The following FBF1 variants were observed in gnomAD, a reference collection of about 807,000 sequenced individuals.
FBF1 encodes the protein fas-binding factor 1.
In FBF1, 119 loss-of-function variants were observed where a neutral mutation model predicts 147.2. The ratio of observed to expected loss-of-function variants is 0.81; its 90% CI spans 0.70 to 0.94. The LOEUF is 0.94. Ranked by LOEUF, FBF1 falls within the 40% of genes least tolerant of loss-of-function variation. The pLI, the probability that FBF1 is intolerant of heterozygous loss-of-function variation, is 0.00. For missense variants in FBF1, 1,449 were observed against 1,500.8 expected (o/e 0.97, Z 0.57); for synonymous variants, 601 against 609.0 (o/e 0.99, Z 0.19).
chr17:75,914,549 A>T, intron 25 of FBF1, 198 bp downstream of exon 25: 2 of 817,190 alleles, frequency 2.4e-6, no homozygotes, highest in Non-Finnish European at 3.7e-6. Context: ...GAACATGAGG[A>T]TCAAATAAAA....
intron 13 of FBF1, among the ~76,000 whole-genome samples, chr17:75,924,705 T>C (rs1325464351): frequency 6.6e-6 from 1 of 152,196 alleles, no homozygotes; most frequent in East Asian, 1.9e-4. Flanking sequence ...CTTGAACTCC[T>C]GACCTCAGGT....
Position 75,938,231 on chromosome 17 carries a change from C to A in FBF1, c.-82G>T. The A allele has an allele frequency of 1.3e-6, 2 of 1,588,846 alleles. No individual in the cohort carries two copies. Among genetic ancestry groups the A allele is most frequent in the African/African-American group, 1.3e-5 (1 of 74,490 alleles). On this transcript the variant is annotated splice_region_variant and 5_prime_UTR_variant, in exon 2 of 30. Transcript: ENST00000636174. The stretch of plus-strand genomic sequence containing the variant: ...ATTCTGCCCACATCAGGCTCATACT[C>A]CCTAATGAAGAAAATTAAAGTGGTT...
intron 2 of FBF1, 200 bp from the exon 3 acceptor site, chr17:75,937,793 A>T: frequency 1.5e-6 from 1 of 672,734 alleles, no homozygotes; most frequent in Non-Finnish European, 2.6e-6. Flanking sequence ...CAGCCCTGCT[A>T]ACCAGCGATG....
In FBF1 at chr17:75,925,866, G is replaced by C. The variant is rs143730049; in HGVS notation, c.868+164C>G. Among the ~76,000 whole-genome samples the C allele has an allele frequency of 1.8e-4, 27 of 152,194 alleles. No individual in the cohort carries two copies. The highest frequency in any genetic ancestry group is 3.5e-4 in the Non-Finnish European group (24 of 68,030). On this transcript the variant is annotated intron_variant, in intron 12 of 29. Coordinates refer to ENST00000636174, the MANE Select transcript of FBF1 (RefSeq NM_001319193.2). The surrounding 1 kb of genome is among the most constrained non-coding windows in gnomAD (Gnocchi z 5.0). Reference sequence around the variant, plus strand: ...CAACTGAGCACGAACAGTGGTCACGGTAAGTATTATTTCACGGTAAGTATT... The same window carrying C: ...CAACTGAGCACGAACAGTGGTCACGCTAAGTATTATTTCACGGTAAGTATT...
intron 28 of FBF1, 38 bp from the exon 29 acceptor site, chr17:75,912,345 T>C (rs955782337): frequency 6.7e-7 from 1 of 1,484,736 alleles, no homozygotes; most frequent in Non-Finnish European, 9.1e-7. Flanking sequence ...ACCAAAGTGT[T>C]GGTGGAAATA....
intron 1 of FBF1, among the ~76,000 whole-genome samples, chr17:75,938,823 G>A (rs2065641072): frequency 6.7e-6 from 1 of 150,268 alleles, no homozygotes; most frequent in Non-Finnish European, 1.5e-5. Context: ...CTGAGATCAT[G>A]CTATGCATTC....
intron 13 of FBF1, among the ~76,000 whole-genome samples, chr17:75,924,868 T>A (rs890584122): frequency 7.9e-5 from 12 of 152,150 alleles, no homozygotes; most frequent in Non-Finnish European, 7.3e-5. Flanking sequence ...TATCACTGAT[T>A]TAATTTTTTT....
chr17:75,932,269 T>C (rs1463963261), intron 5 of FBF1, among the ~76,000 whole-genome samples: 1 of 151,904 alleles, frequency 6.6e-6, no homozygotes, highest in Non-Finnish European at 1.5e-5. Context: ...CCCAACTGCG[T>C]GGGAGGCTGA....
In FBF1 at chr17:75,914,307, A is replaced by G. The variant is rs2144152678; in HGVS notation, c.2815-9T>C. 1 of 1,585,440 alleles carries G rather than the reference A, an allele frequency of 6.3e-7. No homozygotes were observed. Among genetic ancestry groups the G allele is most frequent in the South Asian group, 1.1e-5 (1 of 87,646 alleles). On this transcript the variant is annotated splice_polypyrimidine_tract_variant and intron_variant, in intron 25 of 29. Transcript: ENST00000636174. ...TTCAGCTCAGCCTGCTCCTGGAGAC[A>G]GCGGAGGCCCTGCTGCATTCTCCTC... is the stretch of plus-strand genomic sequence containing the variant.
intron 28 of FBF1, 88 bp from the exon 29 acceptor site, chr17:75,912,395 C>T (rs1224418319): frequency 2.6e-5 from 26 of 990,618 alleles, no homozygotes; most frequent in South Asian, 6.9e-5. Context: ...CTGCTCCCCC[C>T]GCCAGTGGGT....
At chr17:75,911,510 C>T (rs1471039491) in intron 29 of FBF1, among the ~76,000 whole-genome samples, 1 of 152,036 alleles carries the variant, frequency 6.6e-6, no homozygotes, top group African/African-American at 2.4e-5. Flanking sequence ...CCATGCCCAG[C>T]TAATTTTTAA....
At chr17:75,939,957 C>G (rs79994829) in intron 1 of FBF1, 2,839 of 152,016 alleles carry the variant, frequency 0.019, 37 homozygotes, top group South Asian at 0.026. Flanking sequence ...TCTTTTTTTT[C>G]TTTTTTTAGA....
At position 75,917,821 on chromosome 17, in the gene FBF1, G is replaced by A. The variant is rs1402735862; in HGVS notation, c.2416C>T (p.Arg806Trp). The part of the protein sequence containing the change: ...ALQERLGQQQ[R>W]DMEEERSRQQ... Reference sequence around the variant, plus strand: ...CGGCTCCGCTCCTCCTCCATGTCCCGCTGCTGCTGGCCCAGCCGCTCCTGC... The same window carrying A: ...CGGCTCCGCTCCTCCTCCATGTCCCACTGCTGCTGGCCCAGCCGCTCCTGC... The change falls in exon 23 of 30, where the codon CGG becomes TGG. Residue 806 changes from arginine to tryptophan, a missense_variant. By Grantham distance (101) the Arg-to-Trp change is moderately radical. Transcript: ENST00000636174. 7 of 1,606,370 alleles carry A rather than the reference G, an allele frequency of 4.4e-6. No homozygotes were observed. The highest frequency in any genetic ancestry group is 1.3e-5 in the African/African-American group (1 of 74,750).
At position 75,912,194 on chromosome 17, in the gene FBF1, G is replaced by T. The variant is rs933396032; in HGVS notation, c.3361C>A (p.Gln1121Lys). ...CCCCAAGGCCAGGAGAGACTCACCTGCTCTGCCATGTGCCTCAGCAGTGCC... is the reference window on the plus strand; with the variant it reads ...CCCCAAGGCCAGGAGAGACTCACCTTCTCTGCCATGTGCCTCAGCAGTGCC... The part of the protein sequence containing the change: ...RLALLRHMAE[Q>K]DRDFLENEQF... Residue 1121 changes from glutamine to lysine, a missense_variant and splice_region_variant, in exon 29 of 30, where the codon CAG (glutamine) becomes AAG (lysine). Physicochemically the swap from Gln to Lys is moderately conservative, Grantham distance 53. Coordinates refer to ENST00000636174, the MANE Select transcript of FBF1 (RefSeq NM_001319193.2). 1.2e-6 allele frequency: 2 copies of T among 1,606,210 alleles called. No individual in the cohort carries two copies. Among genetic ancestry groups the T allele is most frequent in the African/African-American group, 2.7e-5 (2 of 74,978 alleles).
chr17:75,915,118 C>G lies in FBF1; in HGVS notation c.2527G>C (p.Glu843Gln), dbSNP rs376405006. The G allele has an allele frequency of 1.9e-6, 3 of 1,608,772 alleles. No individual in the cohort carries two copies. The South Asian group carries it at 3.3e-5, about 18-fold the overall frequency. Residue 843 changes from glutamate (E) to glutamine (Q), a missense_variant, in exon 24 of 30, where the codon GAG (glutamate) becomes CAG (glutamine). By Grantham distance (29) the Glu-to-Gln change is conservative (BLOSUM62 2). Transcript: ENST00000636174. ...LEQERWRVTA[E>Q]QSKAESMQRA... ...TGCATGGACTCCGCCTTGGACTGCT[C>G]GGCAGTCACCCGCCAGCGTTCCTGT...
intron 29 of FBF1, among the ~76,000 whole-genome samples, chr17:75,911,554 C>T (rs762633755): frequency 4.6e-5 from 7 of 152,058 alleles, no homozygotes; most frequent in Non-Finnish European, 7.3e-5. Context: ...GACAGAGTCT[C>T]GCTCTGTTGC....
At chr17:75,929,736 G>A in intron 7 of FBF1, among the ~76,000 whole-genome samples, 1 of 152,220 alleles carries the variant, frequency 6.6e-6, no homozygotes, top group East Asian at 1.9e-4. Context: ...CCAGCTAGGT[G>A]GGCCTCCGAG....
intron 9 of FBF1, 146 bp from the exon 10 acceptor site, chr17:75,927,023 G>A: frequency 8.8e-7 from 1 of 1,136,870 alleles, no homozygotes; most frequent in Non-Finnish European, 1.2e-6. Flanking sequence ...GTGGGGCCTG[G>A]GGCAACGGGG....
chr17:75,921,428 C>T (rs1478402584), intron 16 of FBF1, 44 bp downstream of exon 16: 1 of 1,584,128 alleles, frequency 6.3e-7, no homozygotes, highest in East Asian at 2.3e-5. Flanking sequence ...CTCTTCCTCA[C>T]CCAGGGTTAA....
Sources: allele counts gnomAD v4.1 joint callset (sites outside exome capture counted in the v4.1 genomes callset), GRCh38; gene constraint gnomAD v4.1.1; non-coding constraint Gnocchi (gnomAD v3.1); transcripts MANE v1.5; gene names NCBI Gene and HGNC (gene_info 2026-07-23, HGNC 2026-07-21).